Variants in PCDHGA9 observed in about 807,000 individuals in gnomAD.
The protein encoded by PCDHGA9 is protocadherin gamma-A9.
PCDHGA9 carries 37 observed loss-of-function variants against 62.5 expected under a neutral mutation model. That is an observed-to-expected ratio of 0.59 (90% CI 0.46 to 0.78). The LOEUF (loss-of-function observed/expected upper bound fraction) is 0.78, where lower values mean the gene tolerates loss of function less well. Ranked by LOEUF, PCDHGA9 falls within the 30% of genes least tolerant of loss-of-function variation. The pLI is 0.00. For synonymous variants in PCDHGA9, 459 were observed against 484.6 expected, an observed-to-expected ratio of 0.95 and a Z score of 0.69; for missense variants, 1,138 against 1,166.2, an observed-to-expected ratio of 0.98 and a Z score of 0.35.
intron 1 of PCDHGA9, among the ~76,000 whole-genome samples, chr5:141,446,175 G>A (rs1288608276): frequency 1.3e-5 from 2 of 152,276 alleles, no homozygotes; most frequent in Non-Finnish European, 2.9e-5. Context: ...AGGGCAGGGG[G>A]TGTTTTGTTT....
At chr5:141,499,189 C>T (rs1406015145) in intron 2 of PCDHGA9, among the ~76,000 whole-genome samples, 3 of 152,088 alleles carry the variant, frequency 2.0e-5, no homozygotes, top group African/African-American at 7.2e-5. Flanking sequence ...AAACCATTTC[C>T]CCCTTCTTAG....
chr5:141,415,648 A>G (rs1403877896), intron 1 of PCDHGA9: 1 of 1,598,772 alleles, frequency 6.3e-7, no homozygotes, highest in African/African-American at 1.4e-5. Flanking sequence ...TGTTAAAAAA[A>G]AAAAGATTGG....
chr5:141,405,394 CTT>C lies in PCDHGA9; in HGVS notation c.2424+20_2424+21del, dbSNP rs1561700295. 3.8e-6 allele frequency: 6 copies of C among 1,593,014 alleles called. No individual in the cohort carries two copies. In the Admixed American group the frequency reaches 7.1e-5, roughly 19 times the overall value. On this transcript the variant is annotated intron_variant, in intron 1 of 3. Transcript: ENST00000573521. ...TGGTTCCGGTGAGTTCATTTTTTTT[CTT>C]TCTTTCTTTTCTTTTTTTGTTTTTT...
intron 1 of PCDHGA9, among the ~76,000 whole-genome samples, chr5:141,492,886 C>A (rs1479930324): frequency 6.6e-6 from 1 of 152,178 alleles, no homozygotes; most frequent in African/African-American, 2.4e-5. Context: ...GAGATACAGG[C>A]TTTTGGCGCC....
In PCDHGA9 at chr5:141,476,789, T is replaced by A. The variant is rs762462741; in HGVS notation, c.2425-18018T>A. On this transcript the variant is annotated intron_variant, in intron 1 of 3. Coordinates refer to ENST00000573521, the MANE Select transcript of PCDHGA9 (RefSeq NM_018921.3). The surrounding 1 kb of genome is among the most constrained non-coding windows in gnomAD (Gnocchi z 7.6). ...GTTGGACGGAGGGACCCCAGCTCTCTCCGCCAGCCTGCCTATTCACATCAA... is the reference window on the plus strand; with the variant it reads ...GTTGGACGGAGGGACCCCAGCTCTCACCGCCAGCCTGCCTATTCACATCAA... 1.3e-5 allele frequency: 21 copies of A among 1,613,374 alleles called. No individual in the cohort carries two copies. Among genetic ancestry groups the A allele is most frequent in the Non-Finnish European group, 1.7e-5 (20 of 1,180,016 alleles).
intron 1 of PCDHGA9, chr5:141,419,135 G>A (rs2096331504): frequency 3.1e-6 from 5 of 1,613,910 alleles, no homozygotes; most frequent in Non-Finnish European, 4.2e-6. Flanking sequence ...CGCAGCCACA[G>A]ACAGGGGCAA....
In PCDHGA9 at chr5:141,415,739, G is replaced by GTTTT; in HGVS notation, c.2424+10363_2424+10364insTTTT. On this transcript the variant is annotated intron_variant, in intron 1 of 3. Transcript: ENST00000573521. The stretch of plus-strand genomic sequence containing the variant: ...ATGAGTAGAATTTGATGTTTATTAA[G>GTTTT]GTTTTTTTTTTTTTTTTTTTTTTTT... 9.2e-6 allele frequency: 4 copies of GTTTT among 434,946 alleles called. No homozygotes were observed. In the African/African-American group the frequency reaches 1.3e-4, roughly 14 times the overall value. 26.9% of individuals were successfully genotyped at this position (434,946 alleles called of 1,614,324 possible).
chr5:141,450,592 T>G (rs1403924348), intron 1 of PCDHGA9, among the ~76,000 whole-genome samples: 1 of 151,838 alleles, frequency 6.6e-6, no homozygotes, highest in Non-Finnish European at 1.5e-5. Context: ...GTTCAAGCAA[T>G]TCTCCTGCCT....
chr5:141,472,183 A>G (rs2099273731), intron 1 of PCDHGA9, among the ~76,000 whole-genome samples: 1 of 152,190 alleles, frequency 6.6e-6, no homozygotes, highest in South Asian at 2.1e-4. Flanking sequence ...CCAGTATTGG[A>G]ATTTGAATCT....
At position 141,432,669 on chromosome 5, in the gene PCDHGA9, C is replaced by T. The variant is rs777314784; in HGVS notation, c.2424+27293C>T. ...GCGCGAGCCCTGCTGGACAGAGACG[C>T]GCTCAAGCAGAGCCTCGTAGTGGCC... On this transcript the variant is annotated intron_variant, in intron 1 of 3. Transcript: ENST00000573521. This position sits in a 1 kb window ranked among gnomAD's most constrained non-coding sequence, Gnocchi z 6.0. 1 of 1,613,894 alleles carries T rather than the reference C, an allele frequency of 6.2e-7. No homozygotes were observed.
At chr5:141,419,151 C>T (rs2096335413) in intron 1 of PCDHGA9, 2 of 1,613,800 alleles carry the variant, frequency 1.2e-6, no homozygotes, top group African/African-American at 2.7e-5. Context: ...GGCAAGCCTC[C>T]GTTATCCTCC....
chr5:141,491,800 C>G lies in PCDHGA9; in HGVS notation c.2425-3007C>G. The G allele has an allele frequency of 6.7e-7, 1 of 1,500,854 alleles. No individual in the cohort carries two copies. The highest frequency in any genetic ancestry group is 8.9e-7 in the Non-Finnish European group (1 of 1,125,316). 93.0% of individuals were successfully genotyped at this position (1,500,854 alleles called of 1,614,324 possible). A position where few individuals can be genotyped will look rare whatever the true frequency, so the allele number is the denominator to read the frequency against. ...GAACTTGCATCCACTCCTCTCCGGC[C>G]GGCTTGGTCGCTGGCTGCGCTCCAC... On this transcript the variant is annotated intron_variant, in intron 1 of 3. Transcript: ENST00000573521. The surrounding 1 kb of genome is among the most constrained non-coding windows in gnomAD (Gnocchi z 6.9).
In PCDHGA9 at chr5:141,485,935, C is replaced by T. The variant is rs2099621642; in HGVS notation, c.2425-8872C>T. The T allele has an allele frequency of 6.2e-7, 1 of 1,614,026 alleles. No homozygotes were observed. Among genetic ancestry groups the T allele is most frequent in the Non-Finnish European group, 8.5e-7 (1 of 1,180,038 alleles). On this transcript the variant is annotated intron_variant, in intron 1 of 3. Coordinates refer to ENST00000573521, the MANE Select transcript of PCDHGA9 (RefSeq NM_018921.3). The surrounding 1 kb of genome is among the most constrained non-coding windows in gnomAD (Gnocchi z 5.7). Reference sequence around the variant, plus strand: ...GCTACAGGATTAGTGTGTTGGAGAGCGCACCAGCGGGCATGGTGCTCATCC... The same window carrying T: ...GCTACAGGATTAGTGTGTTGGAGAGTGCACCAGCGGGCATGGTGCTCATCC...
At chr5:141,410,039 G>A (rs1413013254) in intron 1 of PCDHGA9, 2 of 1,613,264 alleles carry the variant, frequency 1.2e-6, no homozygotes, top group South Asian at 1.1e-5. Context: ...GCAGGCCAGT[G>A]AGCCCGGACT....
At chr5:141,409,869 A>G (rs2095329006) in intron 1 of PCDHGA9, 2 of 1,612,632 alleles carry the variant, frequency 1.2e-6, no homozygotes, top group African/African-American at 1.3e-5. Context: ...GGAGACCGCA[A>G]TGACAACGCA....
chr5:141,461,773 C>T (rs894271810), intron 1 of PCDHGA9, among the ~76,000 whole-genome samples: 3 of 152,108 alleles, frequency 2.0e-5, no homozygotes, highest in Non-Finnish European at 4.4e-5. Context: ...CCTGCCTCAG[C>T]CTCCCAAGTA....
In PCDHGA9 at chr5:141,490,091, A is replaced by T; in HGVS notation, c.2425-4716A>T. 6.2e-7 allele frequency: 1 copy of T among 1,614,240 alleles called. No homozygotes were observed. Among genetic ancestry groups the T allele is most frequent in the East Asian group, 2.2e-5 (1 of 44,888 alleles). ...CAACTAGACTATTCTTTTGGAGACC[A>T]CACATCTGAGGCAGTGCGGAACCTC... On this transcript the variant is annotated intron_variant, in intron 1 of 3. Coordinates refer to ENST00000573521, the MANE Select transcript of PCDHGA9 (RefSeq NM_018921.3). The surrounding 1 kb of genome is among the most constrained non-coding windows in gnomAD (Gnocchi z 5.4).
At chr5:141,495,270 G>A (rs1428903664) in intron 2 of PCDHGA9, among the ~76,000 whole-genome samples, 1 of 152,178 alleles carries the variant, frequency 6.6e-6, no homozygotes, top group African/African-American at 2.4e-5. Context: ...GCATTTGACC[G>A]GAGGAGGCGG....
At position 141,476,573 on chromosome 5, in the gene PCDHGA9, C is replaced by T; in HGVS notation, c.2425-18234C>T. 6.2e-7 allele frequency: 1 copy of T among 1,614,216 alleles called. No homozygotes were observed. Among genetic ancestry groups the T allele is most frequent in the Non-Finnish European group, 8.5e-7 (1 of 1,180,038 alleles). On this transcript the variant is annotated intron_variant, in intron 1 of 3. Coordinates refer to ENST00000573521, the MANE Select transcript of PCDHGA9 (RefSeq NM_018921.3). The surrounding 1 kb of genome is among the most constrained non-coding windows in gnomAD (Gnocchi z 7.6). ...TAGCGAGGCCGTGGCTCCGGGGACG[C>T]GCTTTCCGCTCGAGAGCGCGCACGA... is the stretch of plus-strand genomic sequence containing the variant.
Sources: gnomAD v4.1 joint callset for allele counts (sites outside exome capture counted in the v4.1 genomes callset) on GRCh38, gnomAD v4.1.1 for gene constraint, Gnocchi (gnomAD v3.1) non-coding constraint, MANE v1.5 for transcripts, NCBI Gene and HGNC (gene_info 2026-07-23, HGNC 2026-07-21) for gene names.